Variants in ARHGAP24 observed in about 807,000 individuals in gnomAD.
ARHGAP24 encodes Rho GTPase activating protein 24.
In ARHGAP24, 50 loss-of-function variants were observed where a neutral mutation model predicts 76.4. The observed-to-expected ratio is 0.65, with a 90% CI of 0.52 to 0.83. ARHGAP24 has a LOEUF of 0.83. ARHGAP24 is among the 40% of genes least tolerant of loss of function. ARHGAP24 has a pLI of 0.00. For synonymous variants in ARHGAP24, 345 were observed against 323.3 expected, an observed-to-expected ratio of 1.07 and a Z score of -0.72; for missense variants, 930 against 914.2, an observed-to-expected ratio of 1.02 and a Z score of -0.22.
intron 1 of ARHGAP24, among the ~76,000 whole-genome samples, chr4:85,557,924 T>C (rs1474265527): frequency 2.6e-5 from 4 of 152,214 alleles, no homozygotes; most frequent in African/African-American, 9.6e-5. Flanking sequence ...AGTGAATCAT[T>C]CCCTTTCCTC....
At chr4:85,655,794 G>T (rs5028231) in intron 2 of ARHGAP24, among the ~76,000 whole-genome samples, 11,010 of 46,132 alleles carry the variant, frequency 0.24, 844 homozygotes, top group East Asian at 0.52. Context: ...TATATATATA[G>T]AGAGAGAGAG....
chr4:85,815,115 A>G (rs1398488471), intron 3 of ARHGAP24, among the ~76,000 whole-genome samples: 2 of 152,160 alleles, frequency 1.3e-5, no homozygotes, highest in Non-Finnish European at 2.9e-5. Context: ...CCTGGGCTGC[A>G]CACAGCCCAG....
chr4:85,482,955 A>G (rs550066876), intron 1 of ARHGAP24, among the ~76,000 whole-genome samples: 18 of 152,224 alleles, frequency 1.2e-4, no homozygotes, highest in Non-Finnish European at 2.5e-4. Flanking sequence ...CCTACATTCT[A>G]ACCTGGCTCT....
At chr4:85,574,407 C>T (rs181267952) in intron 2 of ARHGAP24, among the ~76,000 whole-genome samples, 7 of 152,226 alleles carry the variant, frequency 4.6e-5, no homozygotes, top group African/African-American at 1.7e-4. Context: ...CTGCATAAGG[C>T]AAGAGGTGAC....
chr4:85,616,554 TTG>T (rs201133798), intron 2 of ARHGAP24, among the ~76,000 whole-genome samples: 2 of 151,968 alleles, frequency 1.3e-5, no homozygotes, highest in African/African-American at 4.8e-5. Context: ...TTATTTGTAT[TTG>T]TGTGTGTGTG....
At chr4:85,793,898 G>T (rs554165437) in intron 3 of ARHGAP24, among the ~76,000 whole-genome samples, 1 of 152,102 alleles carries the variant, frequency 6.6e-6, no homozygotes, top group Admixed American at 6.5e-5. Context: ...GATATAAATA[G>T]AACAGTTTTT....
At chr4:85,827,518 T>TGTGTGTGTGTGTG (rs1368669294) in intron 3 of ARHGAP24, among the ~76,000 whole-genome samples, 38 of 57,924 alleles carry the variant, frequency 6.6e-4, no homozygotes, top group Non-Finnish European at 1.1e-3. Flanking sequence ...GTGTGTGTGT[T>TGTGTGTGTGTGTG]TAGAGAGAGA....
intron 2 of ARHGAP24, among the ~76,000 whole-genome samples, chr4:85,631,617 C>T (rs1484316981): frequency 6.6e-6 from 1 of 152,066 alleles, no homozygotes; most frequent in Non-Finnish European, 1.5e-5. Context: ...TCAATGTTCA[C>T]TTCTAATCAT....
intron 1 of ARHGAP24, among the ~76,000 whole-genome samples, chr4:85,553,803 G>GC (rs1726244395): frequency 6.6e-6 from 1 of 152,134 alleles, no homozygotes; most frequent in South Asian, 2.1e-4. Context: ...GTGCCATTGA[G>GC]CCCATTTACA....
intron 2 of ARHGAP24, among the ~76,000 whole-genome samples, chr4:85,613,200 G>A (rs1720453129): frequency 6.6e-6 from 1 of 151,564 alleles, no homozygotes; most frequent in South Asian, 2.1e-4. Context: ...ACAACACTAA[G>A]TTTATGTTTT....
At chr4:85,949,566 C>T (rs1193716479) in intron 5 of ARHGAP24, among the ~76,000 whole-genome samples, 3 of 152,274 alleles carry the variant, frequency 2.0e-5, no homozygotes, top group Non-Finnish European at 4.4e-5. Context: ...TTCAGGGCTC[C>T]TCCCTATAGC....
intron 1 of ARHGAP24, among the ~76,000 whole-genome samples, chr4:85,533,823 A>G (rs2110118198): frequency 6.6e-6 from 1 of 152,306 alleles, no homozygotes; most frequent in Admixed American, 6.5e-5. Flanking sequence ...CACTAAACAT[A>G]CTAAAATATA....
chr4:85,718,447 G>T (rs1282762058), intron 2 of ARHGAP24, among the ~76,000 whole-genome samples: 1 of 152,034 alleles, frequency 6.6e-6, no homozygotes, highest in Non-Finnish European at 1.5e-5. Flanking sequence ...TTGGTTATCT[G>T]TAGTGGGTAA....
chr4:85,661,483 T>G (rs1722383620), intron 2 of ARHGAP24, among the ~76,000 whole-genome samples: 1 of 152,180 alleles, frequency 6.6e-6, no homozygotes, highest in Non-Finnish European at 1.5e-5. Context: ...TGTGAAAGTT[T>G]TATTTAAGTT....
intron 3 of ARHGAP24, among the ~76,000 whole-genome samples, chr4:85,745,205 G>A (rs868232757): frequency 7.1e-4 from 107 of 151,742 alleles, no homozygotes; most frequent in African/African-American, 2.4e-3. Flanking sequence ...TCAAGAGGCC[G>A]TGGCAGGAGA....
chr4:85,811,593 T>C (rs2082481476), intron 3 of ARHGAP24, among the ~76,000 whole-genome samples: 1 of 152,236 alleles, frequency 6.6e-6, no homozygotes, highest in Non-Finnish European at 1.5e-5. Context: ...TAAATGTTTA[T>C]CATTTTATCC....
At chr4:85,857,062 T>G (rs1327243468) in intron 3 of ARHGAP24, among the ~76,000 whole-genome samples, 1 of 152,184 alleles carries the variant, frequency 6.6e-6, no homozygotes, top group Non-Finnish European at 1.5e-5. Context: ...CATAAGCAAT[T>G]ACTCAATAAT....
At chr4:85,962,988 A>T (rs894481630) in intron 5 of ARHGAP24, among the ~76,000 whole-genome samples, 3 of 151,980 alleles carry the variant, frequency 2.0e-5, no homozygotes, top group Non-Finnish European at 4.4e-5. Context: ...TTCTACAAAG[A>T]ACAAAATATA....
intron 3 of ARHGAP24, among the ~76,000 whole-genome samples, chr4:85,843,870 A>G (rs1169802258): frequency 6.6e-6 from 1 of 152,192 alleles, no homozygotes; most frequent in Non-Finnish European, 1.5e-5. Flanking sequence ...GATACAAAAT[A>G]TATGTTGAAC....
Sources: allele counts gnomAD v4.1 joint callset (sites outside exome capture counted in the v4.1 genomes callset), GRCh38; gene constraint gnomAD v4.1.1; transcripts MANE v1.5; gene names NCBI Gene and HGNC (gene_info 2026-07-23, HGNC 2026-07-21).